The following KCNIP1 variants were observed in gnomAD, a reference collection of about 807,000 sequenced individuals.
KCNIP1 encodes potassium voltage-gated channel interacting protein 1.
A neutral mutation model predicts 33.0 loss-of-function variants in KCNIP1; 18 were observed. The observed-to-expected ratio is 0.55, with a 90% CI of 0.38 to 0.81. The LOEUF is 0.81. Among genes scored for constraint, KCNIP1 ranks in the 30% least tolerant of loss-of-function variants. The probability of loss-of-function intolerance (pLI) is 0.00; values close to 1 mark genes in which losing one functional copy is unlikely to be tolerated. For synonymous variants in KCNIP1, 93 were observed against 98.3 expected, an observed-to-expected ratio of 0.95 and a Z score of 0.32; for missense variants, 238 against 271.6, an observed-to-expected ratio of 0.88 and a Z score of 0.87.
chr5:170,718,991 A>G, intron 2 of KCNIP1, 109 bp downstream of exon 2: 3 of 1,389,950 alleles, frequency 2.2e-6, no homozygotes, highest in Non-Finnish European at 2.9e-6. Flanking sequence ...GAGGCTGTAC[A>G]AGGAAGGCCA....
chr5:170,606,067 G>A (rs75932888), intron 1 of KCNIP1, among the ~76,000 whole-genome samples: 6 of 152,024 alleles, frequency 3.9e-5, no homozygotes, highest in Non-Finnish European at 8.8e-5. Flanking sequence ...GAGCCACCAC[G>A]CCTGGCCACT....
intron 1 of KCNIP1, among the ~76,000 whole-genome samples, chr5:170,475,667 A>C (rs923595298): frequency 6.6e-6 from 1 of 152,340 alleles, no homozygotes; most frequent in East Asian, 1.9e-4. Flanking sequence ...CAACTGCAGC[A>C]GGGCCTCTTT....
intron 1 of KCNIP1, among the ~76,000 whole-genome samples, chr5:170,568,576 G>A (rs757073093): frequency 3.8e-4 from 57 of 150,336 alleles, no homozygotes; most frequent in Non-Finnish European, 7.4e-4. Context: ...ACTTTGGGAG[G>A]CCGAGGCGGG....
intron 1 of KCNIP1, among the ~76,000 whole-genome samples, chr5:170,409,659 C>T (rs1453247719): frequency 6.6e-6 from 1 of 152,144 alleles, no homozygotes; most frequent in Non-Finnish European, 1.5e-5. Context: ...GGGGCCCAGC[C>T]TGTGCCACTC....
chr5:170,567,826 G>T (rs1757254869), intron 1 of KCNIP1, among the ~76,000 whole-genome samples: 1 of 152,210 alleles, frequency 6.6e-6, no homozygotes, highest in South Asian at 2.1e-4. Context: ...TCAGGAGCAG[G>T]TCACCTTCAA....
At chr5:170,606,637 C>T (rs1012902270) in intron 1 of KCNIP1, among the ~76,000 whole-genome samples, 5 of 152,100 alleles carry the variant, frequency 3.3e-5, no homozygotes, top group African/African-American at 7.2e-5. Flanking sequence ...GTTTGGGACC[C>T]GGGAGGGGCA....
intron 1 of KCNIP1, among the ~76,000 whole-genome samples, chr5:170,682,784 C>CTTTTTTTTGTTTT (rs1762396698): frequency 1.4e-5 from 1 of 71,404 alleles, no homozygotes; most frequent in Non-Finnish European, 2.4e-5. Flanking sequence ...TTCTTTGTTT[C>CTTTTTTTTGTTTT]TTTTTTTTTT....
intron 1 of KCNIP1, among the ~76,000 whole-genome samples, chr5:170,613,633 G>A (rs1026409926): frequency 1.5e-4 from 23 of 152,178 alleles, no homozygotes; most frequent in African/African-American, 4.6e-4. Flanking sequence ...AAAAGGAGGC[G>A]GGGAGGGCCG....
chr5:170,655,438 C>T (rs1283514268), intron 1 of KCNIP1, among the ~76,000 whole-genome samples: 1 of 152,184 alleles, frequency 6.6e-6, no homozygotes, highest in Non-Finnish European at 1.5e-5. Flanking sequence ...CTCCCCGGAT[C>T]CCATTTTGCT....
At chr5:170,377,615 C>G (rs931984462) in intron 1 of KCNIP1, 1 of 151,826 alleles carries the variant, frequency 6.6e-6, no homozygotes, top group Non-Finnish European at 1.5e-5. Flanking sequence ...GTTCTATCAC[C>G]AGGCTGGAGT....
At chr5:170,528,588 G>A (rs994689613) in intron 1 of KCNIP1, among the ~76,000 whole-genome samples, 1 of 152,226 alleles carries the variant, frequency 6.6e-6, no homozygotes, top group Non-Finnish European at 1.5e-5. Flanking sequence ...TAATCTTGAA[G>A]GGGCTTGTGC....
chr5:170,399,685 G>A (rs1201020332), intron 1 of KCNIP1, among the ~76,000 whole-genome samples: 1 of 152,200 alleles, frequency 6.6e-6, no homozygotes, highest in Middle Eastern at 3.2e-3. Context: ...ATTTTAAATA[G>A]AAACACTTTC....
chr5:170,607,510 T>A (rs951830971), intron 1 of KCNIP1, among the ~76,000 whole-genome samples: 1 of 152,158 alleles, frequency 6.6e-6, no homozygotes, highest in African/African-American at 2.4e-5. Flanking sequence ...AGGGATAATG[T>A]GACGAGGTGC....
In KCNIP1 at chr5:170,636,549, A is replaced by G. The variant is rs140152149; in HGVS notation, c.62-82209A>G. On this transcript the variant is annotated intron_variant, in intron 1 of 7. Coordinates refer to ENST00000328939, the MANE Select transcript of KCNIP1 (RefSeq NM_014592.4). ...CCTACTGCATGCAGAGACCTCATCAATGGCTCAATCAATATGACACGGCCA... is the reference window on the plus strand; with the variant it reads ...CCTACTGCATGCAGAGACCTCATCAGTGGCTCAATCAATATGACACGGCCA... Among the ~76,000 whole-genome samples the G allele has an allele frequency of 2.1e-3, 321 of 152,288 alleles. 3 individuals are homozygous for G. The highest frequency in any genetic ancestry group is 9.2e-3 in the Admixed American group (141 of 15,302).
intron 1 of KCNIP1, chr5:170,385,203 C>T (rs1417776499): frequency 7.6e-6 from 9 of 1,187,734 alleles, no homozygotes; most frequent in African/African-American, 1.5e-5. Flanking sequence ...CTTGACCCTG[C>T]TGCCTTGAAT....
At chr5:170,372,047 C>T (rs1312034212) in intron 1 of KCNIP1, among the ~76,000 whole-genome samples, 1 of 152,174 alleles carries the variant, frequency 6.6e-6, no homozygotes. Flanking sequence ...AAGACTGCCC[C>T]CATTCAAATG....
At chr5:170,579,898 G>T (rs1259471698) in intron 1 of KCNIP1, among the ~76,000 whole-genome samples, 1 of 151,788 alleles carries the variant, frequency 6.6e-6, no homozygotes. Context: ...CATTCCAAAA[G>T]CTCATTACTG....
At chr5:170,571,617 T>C (rs1757411413) in intron 1 of KCNIP1, among the ~76,000 whole-genome samples, 1 of 152,152 alleles carries the variant, frequency 6.6e-6, no homozygotes, top group African/African-American at 2.4e-5. Context: ...TGGGATTCCT[T>C]TTACTGGCCA....
intron 1 of KCNIP1, among the ~76,000 whole-genome samples, chr5:170,593,969 A>G (rs569798215): frequency 7.9e-5 from 12 of 152,376 alleles, no homozygotes; most frequent in Admixed American, 2.6e-4. Context: ...CCTCTGTTGT[A>G]TAACAGAATA....
Sources: allele counts gnomAD v4.1 joint callset (sites outside exome capture counted in the v4.1 genomes callset), GRCh38; gene constraint gnomAD v4.1.1; transcripts MANE v1.5; gene names NCBI Gene and HGNC (gene_info 2026-07-23, HGNC 2026-07-21).